SLC67A1: variants seen among roughly 807,000 people sequenced by gnomAD.
SLC67A1 encodes the protein solute carrier family 67 member 1, also known as solute carrier family 67 member A1.
the SLC67A1 span, chr11:2,909,260 T>TA: frequency 3.3e-6 from 5 of 1,537,112 alleles, no homozygotes; most frequent in Non-Finnish European, 4.4e-6. Context: ...CTTGGCGCTC[T>TA]ACCTGCTCCT....
the SLC67A1 span, among the ~76,000 whole-genome samples, chr11:2,901,149 G>A: frequency 1.3e-4 from 20 of 152,134 alleles, no homozygotes; most frequent in African/African-American, 4.8e-4. Context: ...GAAGGTCAGA[G>A]AAACACTTTT....
chr11:2,910,348 T>C, the SLC67A1 span, among the ~76,000 whole-genome samples: 1 of 152,108 alleles, frequency 6.6e-6, no homozygotes, highest in South Asian at 2.1e-4. Context: ...GTGATAGGAA[T>C]TCCCGTAACA....
the SLC67A1 span, among the ~76,000 whole-genome samples, chr11:2,908,574 C>A: frequency 2.6e-5 from 4 of 152,224 alleles, no homozygotes; most frequent in Non-Finnish European, 5.9e-5. Flanking sequence ...CTGGTGAACA[C>A]CTCGTGGCTG....
At chr11:2,911,325 G>A in the SLC67A1 span, among the ~76,000 whole-genome samples, 1 of 152,000 alleles carries the variant, frequency 6.6e-6, no homozygotes, top group Non-Finnish European at 1.5e-5. Context: ...GGGCTGATGT[G>A]GGAGCCAAGC....
At chr11:2,910,199 T>A in the SLC67A1 span, among the ~76,000 whole-genome samples, 2 of 152,152 alleles carry the variant, frequency 1.3e-5, no homozygotes, top group Non-Finnish European at 1.5e-5. Flanking sequence ...GGCTGGGGAC[T>A]GATGGCTGCT....
the SLC67A1 span, chr11:2,922,330 C>G: frequency 1.9e-6 from 3 of 1,540,696 alleles, no homozygotes; most frequent in Admixed American, 3.6e-5. Context: ...GGGGCCAGCT[C>G]TTCAGCAGGG....
the SLC67A1 span, among the ~76,000 whole-genome samples, chr11:2,903,904 T>C: frequency 6.6e-6 from 1 of 152,218 alleles, no homozygotes; most frequent in East Asian, 1.9e-4. Flanking sequence ...CCGCAGCTTC[T>C]ATCTCTCCCC....
At chr11:2,901,942 C>T in the SLC67A1 span, among the ~76,000 whole-genome samples, 3 of 152,184 alleles carry the variant, frequency 2.0e-5, no homozygotes, top group South Asian at 2.1e-4. Context: ...CCCTCCACCT[C>T]CCGGTCCCAT....
the SLC67A1 span, among the ~76,000 whole-genome samples, chr11:2,914,333 G>A: frequency 1.2e-4 from 19 of 152,206 alleles, no homozygotes; most frequent in African/African-American, 3.9e-4. Flanking sequence ...TGAGCAGGAG[G>A]GGCTGACGGC....
the SLC67A1 span, chr11:2,920,866 C>CTG: frequency 2.0e-5 from 3 of 152,214 alleles, no homozygotes; most frequent in Non-Finnish European, 4.4e-5. Flanking sequence ...TCCTTCACGG[C>CTG]ACTCACTGTG....
the SLC67A1 span, among the ~76,000 whole-genome samples, chr11:2,923,152 A>C: frequency 1.3e-5 from 2 of 152,176 alleles, no homozygotes; most frequent in Non-Finnish European, 2.9e-5. This position sits in a 1 kb window ranked among gnomAD's most constrained non-coding sequence, Gnocchi z 6.5. Context: ...GCCCCACCCC[A>C]GGCACAGTGT....
chr11:2,900,835 C>T, the SLC67A1 span, among the ~76,000 whole-genome samples: 1 of 152,124 alleles, frequency 6.6e-6, no homozygotes, highest in African/African-American at 2.4e-5. Flanking sequence ...AGGGGAAGCG[C>T]AGCGAGGGCT....
the SLC67A1 span, chr11:2,919,527 C>A: frequency 1.4e-6 from 1 of 720,258 alleles, no homozygotes; most frequent in Non-Finnish European, 2.4e-6. Flanking sequence ...CCATCTGGCA[C>A]ATGTCAGGGT....
the SLC67A1 span, among the ~76,000 whole-genome samples, chr11:2,907,588 T>A: frequency 6.6e-6 from 1 of 152,172 alleles, no homozygotes; most frequent in Non-Finnish European, 1.5e-5. This position sits in a 1 kb window ranked among gnomAD's most constrained non-coding sequence, Gnocchi z 6.7. Flanking sequence ...ATTCTGAGGT[T>A]CTGGAGGTTA....
the SLC67A1 span, among the ~76,000 whole-genome samples, chr11:2,902,023 C>A: frequency 6.6e-6 from 1 of 152,230 alleles, no homozygotes; most frequent in African/African-American, 2.4e-5. Context: ...GAGTGTCCAC[C>A]TCCAGCAGCC....
the SLC67A1 span, chr11:2,919,339 A>G: frequency 6.2e-7 from 1 of 1,613,334 alleles, no homozygotes; most frequent in African/African-American, 1.3e-5. Context: ...CATCATCTCC[A>G]TGGACTTCTT....
At chr11:2,908,126 A>G in the SLC67A1 span, 1 of 716,250 alleles carries the variant, frequency 1.4e-6, no homozygotes, top group Non-Finnish European at 2.5e-6. Context: ...CAGTCAACAG[A>G]ACCCAGGCCC....
chr11:2,918,121 G>C, the SLC67A1 span: 9,137 of 1,578,604 alleles, frequency 5.8e-3, 407 homozygotes, highest in African/African-American at 0.11. Context: ...TGCCCCAACA[G>C]CGGCCAGAGC....
the SLC67A1 span, chr11:2,916,710 G>A: frequency 6.2e-7 from 1 of 1,613,100 alleles, no homozygotes; most frequent in Admixed American, 1.7e-5. Flanking sequence ...CACCAAAGGG[G>A]CCAAAACTGA....
Sources: gnomAD v4.1 joint callset for allele counts (sites outside exome capture counted in the v4.1 genomes callset) on GRCh38, gnomAD v4.1.1 for gene constraint, Gnocchi (gnomAD v3.1) non-coding constraint, MANE v1.5 for transcripts, NCBI Gene and HGNC (gene_info 2026-07-23, HGNC 2026-07-21) for gene names.